The following SLC4A1 variants were observed in gnomAD, a reference collection of about 807,000 sequenced individuals.
SLC4A1 encodes solute carrier family 4 member 1 (Diego blood group).
Under a neutral mutation model 93.1 loss-of-function variants are expected in SLC4A1, and 29 were observed. That is an observed-to-expected ratio of 0.31 (90% CI 0.23 to 0.42). The LOEUF is 0.42. SLC4A1 is among the 20% of genes least tolerant of loss of function. The pLI, the probability that SLC4A1 is intolerant of heterozygous loss-of-function variation, is 1.00. For missense variants in SLC4A1, 965 were observed against 1,190.1 expected (o/e 0.81, Z 2.78); for synonymous variants, 469 against 497.2 (o/e 0.94, Z 0.76).
rs1422510219 is a variant in SLC4A1 at position 44,268,131 on chromosome 17, G to A, written c.-146C>T. 23 of 985,298 alleles carry A rather than the reference G, an allele frequency of 2.3e-5. No homozygotes were observed. Among genetic ancestry groups the A allele is most frequent in the Non-Finnish European group, 2.7e-5 (22 of 829,898 alleles). 61.0% of individuals were successfully genotyped at this position (985,298 alleles called of 1,614,324 possible). A position where few individuals can be genotyped will look rare whatever the true frequency, so the allele number is the denominator to read the frequency against. ...TCTGCGACCAGCTACGTTCCCACTC[G>A]TTCTGACAGCACCAGCGCCCCAGGG... On this transcript the variant is annotated 5_prime_UTR_variant, in exon 1 of 20. It adds an upstream start codon to the 5' untranslated region. Coordinates refer to ENST00000262418, the MANE Select transcript of SLC4A1 (RefSeq NM_000342.4).
Position 44,255,836 on chromosome 17 carries a change from T to A in SLC4A1, c.1637A>T (p.Asp546Val). 1 of 1,614,116 alleles carries A rather than the reference T, an allele frequency of 6.2e-7. No individual in the cohort carries two copies. The highest frequency in any genetic ancestry group is 8.5e-7 in the Non-Finnish European group (1 of 1,179,994). Reference protein sequence around the residue: ...TFSKLIKIFQDHPLQKTYNYN... With the variant: ...TFSKLIKIFQVHPLQKTYNYN... ...GTTATAAGTCTTCTGTAGTGGGTGGTCCTGGAAGATCTGCAGCAGAAAACC... is the reference window on the plus strand; with the variant it reads ...GTTATAAGTCTTCTGTAGTGGGTGGACCTGGAAGATCTGCAGCAGAAAACC... Residue 546 changes from aspartate (D) to valine (V), a missense_variant, in exon 14 of 20, where the codon GAC (aspartate) becomes GTC (valine). Around this residue, in one of 2 missense-constraint regions of SLC4A1, gnomAD observed 770 missense variants for 1,006.6 expected, o/e 0.76. Transcript: ENST00000262418.
At position 44,257,783 on chromosome 17, in the gene SLC4A1, C is replaced by G; in HGVS notation, c.1307G>C (p.Gly436Ala). The change falls in exon 12 of 20, where the codon GGA becomes GCA. Residue 436 changes from glycine to alanine, a missense_variant. Physicochemically the swap from Gly to Ala is moderately conservative, Grantham distance 60. Coordinates refer to ENST00000262418, the MANE Select transcript of SLC4A1 (RefSeq NM_000342.4). ...AGTGGAGATCAGCAGCTCCGACACT[C>G]CCATCTGGTTCCGGGTCTTTTCTCC... ...LLGEKTRNQM[G>A]VSELLISTAV... The G allele has an allele frequency of 3.1e-6, 5 of 1,613,968 alleles. No individual in the cohort carries two copies. Among genetic ancestry groups the G allele is most frequent in the Non-Finnish European group, 4.2e-6 (5 of 1,180,030 alleles).
At chr17:44,261,428 C>T (rs1367359671) in intron 4 of SLC4A1, 147 bp downstream of exon 4, 2 of 1,375,936 alleles carry the variant, frequency 1.5e-6, no homozygotes, top group Non-Finnish European at 2.0e-6. Context: ...TCCCTCCCAC[C>T]TGTTTCCTGG....
chr17:44,263,717 C>CCTTCCTTCCTTCCTTCCTCCATCCCTG (rs1567837030), intron 1 of SLC4A1, among the ~76,000 whole-genome samples: 3 of 145,044 alleles, frequency 2.1e-5, no homozygotes, highest in Non-Finnish European at 3.0e-5. Flanking sequence ...CTCCTTCCTT[C>CCTTCCTTCCTTCCTTCCTCCATCCCTG]CTTCCTTCCT....
chr17:44,265,536 A>AT (rs2047489377), intron 1 of SLC4A1, among the ~76,000 whole-genome samples: 2 of 152,012 alleles, frequency 1.3e-5, no homozygotes, highest in South Asian at 2.1e-4. Context: ...CGCCCAGCTA[A>AT]TTTTTTGTAT....
rs189616535 is a variant in SLC4A1, at chr17:44,262,921, C to T, written c.-55G>A. The T allele has an allele frequency of 2.3e-4, 364 of 1,613,242 alleles. No homozygotes were observed. The highest frequency in any genetic ancestry group is 2.1e-3 in the East Asian group (93 of 44,878). On this transcript the variant is annotated 5_prime_UTR_variant, in exon 2 of 20. Transcript: ENST00000262418. ...GGTGATCTGAGCCCCCAGCATAACC[C>T]GCACCGCGGGTCCCTGCAGCAGAGG...
chr17:44,255,339 C>T (rs757754497), intron 14 of SLC4A1, 43 bp from the exon 15 acceptor site: 5 of 1,440,688 alleles, frequency 3.5e-6, no homozygotes, highest in Non-Finnish European at 4.8e-6. Context: ...CCCAGTCACT[C>T]CCCACCTCCT....
Position 44,258,755 on chromosome 17 carries a change from G to T in SLC4A1, c.877-132C>A, listed in dbSNP as rs2047413754. ...CCCATTGCCAGGAACTGCTTTTCCT[G>T]CCCGCTCCCACCCCTACTCTCCCCA... On this transcript the variant is annotated intron_variant, in intron 9 of 19. Transcript: ENST00000262418. The surrounding 1 kb of genome is among the most constrained non-coding windows in gnomAD (Gnocchi z 6.1). The T allele has an allele frequency of 1.2e-6, 1 of 853,606 alleles. No homozygotes were observed. 52.9% of individuals were successfully genotyped at this position (853,606 alleles called of 1,614,324 possible). A position where few individuals can be genotyped will look rare whatever the true frequency, so the allele number is the denominator to read the frequency against.
chr17:44,267,922 A>T (rs1210115455), intron 1 of SLC4A1, 132 bp downstream of exon 1: 1 of 253,056 alleles, frequency 4.0e-6, no homozygotes, highest in African/African-American at 2.3e-5. Flanking sequence ...TAACATTCTC[A>T]CCCCACCCAC....
chr17:44,261,686 G>T, intron 3 of SLC4A1, 50 bp from the exon 4 acceptor site: 2 of 1,613,760 alleles, frequency 1.2e-6, no homozygotes, highest in Non-Finnish European at 1.7e-6. Flanking sequence ...CCCACCTGAG[G>T]CTCTTCACCA....
At chr17:44,262,962 G>C in intron 1 of SLC4A1, 28 bp from the exon 2 acceptor site, 6 of 1,597,232 alleles carry the variant, frequency 3.8e-6, no homozygotes, top group Non-Finnish European at 5.1e-6. Flanking sequence ...GGCTGAGTGG[G>C]GCACAGGGCA....
chr17:44,251,228 G>A lies in SLC4A1; in HGVS notation c.2586C>T (p.Val862=), dbSNP rs1485187596. 3 of 1,614,132 alleles carry A rather than the reference G, an allele frequency of 1.9e-6. No homozygotes were observed. The highest frequency in any genetic ancestry group is 2.5e-6 in the Non-Finnish European group (3 of 1,180,014). Residue 862 remains valine (V), a synonymous_variant, in exon 19 of 20, where the codon GTC becomes GTT. Transcript: ENST00000262418. ...GCCGCAGCGGCACAGTGAGGATGAG[G>A]ACGAAGGGCAGGGCCAGGGAGGCCG... ...STPASLALPF[V]LILTVPLRRV...
In SLC4A1 at chr17:44,258,075, G is replaced by A. The variant is rs150913170; in HGVS notation, c.1193C>T (p.Thr398Ile). 22 of 1,614,110 alleles carry A rather than the reference G, an allele frequency of 1.4e-5. No homozygotes were observed. The African/African-American group carries it at 2.7e-4, about 20-fold the overall frequency. ...CAGGACCTGGGGGCTGAATGCATCT[G>A]TGATGTCACTCAGGTAATAGGGGTA... The part of the protein sequence containing the change: ...RRYPYYLSDI[T>I]DAFSPQVLAA... Residue 398 changes from threonine (T) to isoleucine (I), a missense_variant, in exon 11 of 20, where the codon ACA becomes ATA. Physicochemically the swap from Thr to Ile is moderately conservative, Grantham distance 89. Coordinates refer to ENST00000262418, the MANE Select transcript of SLC4A1 (RefSeq NM_000342.4). This position sits in a 1 kb window ranked among gnomAD's most constrained non-coding sequence, Gnocchi z 6.1.
chr17:44,259,135 A>C, intron 9 of SLC4A1, 28 bp downstream of exon 9: 1 of 1,612,176 alleles, frequency 6.2e-7, no homozygotes, highest in Non-Finnish European at 8.5e-7. Context: ...AAGCTTCCCC[A>C]GCCCAGCCCT....
At chr17:44,263,010 A>G in intron 1 of SLC4A1, 76 bp from the exon 2 acceptor site, 2 of 1,218,160 alleles carry the variant, frequency 1.6e-6, no homozygotes, top group Non-Finnish European at 2.4e-6. Flanking sequence ...AGGGGGCCAC[A>G]TGTCAGTGGA....
chr17:44,255,227 T>C lies in SLC4A1; in HGVS notation c.1870A>G (p.Ile624Val). 1.3e-6 allele frequency: 2 copies of C among 1,556,324 alleles called. No individual in the cohort carries two copies. Among genetic ancestry groups the C allele is most frequent in the Non-Finnish European group, 1.7e-6 (2 of 1,149,326 alleles). Residue 624 changes from isoleucine (I) to valine (V), a missense_variant, in exon 15 of 20, where the codon ATT becomes GTT. Physicochemically the swap from Ile to Val is conservative, Grantham distance 29. Coordinates refer to ENST00000262418, the MANE Select transcript of SLC4A1 (RefSeq NM_000342.4). ...ILIMVLVDFF[I>V]QDTYTQKLSV... is the part of the protein sequence containing the mutation. ...GTCACCTGGGTGTAGGTATCCTGAA[T>C]GAAGAAATCCACCAGGACCATGATC... is the stretch of plus-strand genomic sequence containing the variant.
rs547625416 is a variant in SLC4A1, at chr17:44,259,991, T to C, written c.486-59A>G. 448 of 1,605,606 alleles carry C rather than the reference T, an allele frequency of 2.8e-4. 1 individual carries two copies. Among genetic ancestry groups the C allele is most frequent in the East Asian group, 9.4e-4 (42 of 44,820 alleles). On this transcript the variant is annotated intron_variant, in intron 6 of 19. Coordinates refer to ENST00000262418, the MANE Select transcript of SLC4A1 (RefSeq NM_000342.4). ...GCTGTTCAGGCTGAGCTATCAGTGG[T>C]GGGAGGGATCAAGGGCGAACATCAA...
chr17:44,262,574 C>G, intron 3 of SLC4A1, 62 bp downstream of exon 3: 1 of 1,253,836 alleles, frequency 8.0e-7, no homozygotes, highest in Non-Finnish European at 1.1e-6. Flanking sequence ...GGACAAGTGC[C>G]CCTCCTGTCC....
At chr17:44,255,122 A>G (rs1848106106) in intron 15 of SLC4A1, 85 bp downstream of exon 15, 2 of 945,228 alleles carry the variant, frequency 2.1e-6, no homozygotes, top group East Asian at 5.3e-5. Context: ...GGTTGGGGAA[A>G]GCTATTCTAG....
Sources: allele counts gnomAD v4.1 joint callset (sites outside exome capture counted in the v4.1 genomes callset), GRCh38; gene constraint gnomAD v4.1.1; regional missense constraint gnomAD v4.1.1; non-coding constraint Gnocchi (gnomAD v3.1); transcripts MANE v1.5; gene names NCBI Gene and HGNC (gene_info 2026-07-23, HGNC 2026-07-21).